The following UBASH3B variants were observed in gnomAD, a reference collection of about 807,000 sequenced individuals.
UBASH3B encodes the protein ubiquitin-associated and SH3 domain-containing protein B.
Under a neutral mutation model 83.4 loss-of-function variants are expected in UBASH3B, and 37 were observed. The observed-to-expected ratio is 0.44, with a 90% CI of 0.34 to 0.58. The LOEUF (loss-of-function observed/expected upper bound fraction) is 0.58, where lower values mean the gene tolerates loss of function less well. Among genes scored for constraint, UBASH3B ranks in the 20% least tolerant of loss-of-function variants. The probability of loss-of-function intolerance (pLI) is 0.01; values close to 1 mark genes in which losing one functional copy is unlikely to be tolerated. For synonymous variants in UBASH3B, 304 were observed against 318.3 expected (o/e 0.96, Z 0.48); for missense variants, 657 against 827.2 (o/e 0.79, Z 2.52).
chr11:122,686,325 C>T (rs192298035), intron 1 of UBASH3B, among the ~76,000 whole-genome samples: 2 of 152,310 alleles, frequency 1.3e-5, no homozygotes, highest in Admixed American at 1.3e-4. Context: ...AATATGTAAG[C>T]AGACTGGTCA....
At chr11:122,741,459 G>A (rs1255204285) in intron 1 of UBASH3B, among the ~76,000 whole-genome samples, 2 of 152,162 alleles carry the variant, frequency 1.3e-5, no homozygotes, top group South Asian at 4.1e-4. Context: ...GAGCAAAACC[G>A]GAGGTTGTGT....
rs1488749559 is a variant in UBASH3B, at chr11:122,789,309, G to T, written c.980+1G>T. Reference sequence around the variant, plus strand: ...AATGCAGCACCTGGATATTTCATGGGTAAGCAGACACAAAGACCTTTATGC... The same window carrying T: ...AATGCAGCACCTGGATATTTCATGGTTAAGCAGACACAAAGACCTTTATGC... On this transcript the variant is annotated splice_donor_variant, in intron 6 of 13. Coordinates refer to ENST00000284273, the MANE Select transcript of UBASH3B (RefSeq NM_032873.5). LOFTEE classifies it high-confidence loss of function. The T allele has an allele frequency of 6.2e-7, 1 of 1,614,144 alleles. No individual in the cohort carries two copies. Among genetic ancestry groups the T allele is most frequent in the Admixed American group, 1.7e-5 (1 of 60,026 alleles).
intron 1 of UBASH3B, among the ~76,000 whole-genome samples, chr11:122,702,422 G>A (rs1864052287): frequency 1.3e-5 from 2 of 151,980 alleles, no homozygotes; most frequent in South Asian, 2.1e-4. Context: ...TGCCTTCATC[G>A]TTCAAGGTCA....
intron 1 of UBASH3B, among the ~76,000 whole-genome samples, chr11:122,670,937 A>C (rs1019910650): frequency 1.3e-5 from 2 of 151,816 alleles, no homozygotes; most frequent in African/African-American, 2.4e-5. Context: ...TAATTTTTGT[A>C]TTTTTAGTAG....
At chr11:122,659,994 A>G (rs1863415364) in intron 1 of UBASH3B, among the ~76,000 whole-genome samples, 1 of 152,184 alleles carries the variant, frequency 6.6e-6, no homozygotes, top group Non-Finnish European at 1.5e-5. Flanking sequence ...GTGGTCTTGC[A>G]AAAGTCACTT....
At chr11:122,714,359 G>A (rs948898485) in intron 1 of UBASH3B, among the ~76,000 whole-genome samples, 6 of 152,150 alleles carry the variant, frequency 3.9e-5, no homozygotes, top group Admixed American at 1.3e-4. Context: ...TCTCTAAATC[G>A]GCCTTCCTGA....
At chr11:122,686,243 G>A (rs1281502582) in intron 1 of UBASH3B, among the ~76,000 whole-genome samples, 3 of 152,258 alleles carry the variant, frequency 2.0e-5, no homozygotes, top group African/African-American at 4.8e-5. Flanking sequence ...TCTAAGTGGA[G>A]CTGAGAGAAG....
rs188133746 is a variant in UBASH3B, at chr11:122,771,317, C to T, written c.162-4902C>T. Reference sequence around the variant, plus strand: ...GCACGACCTCGGCTCACTGCATCCTCCGCCTCCCAGGTTCAAGTGATTCTC... The same window carrying T: ...GCACGACCTCGGCTCACTGCATCCTTCGCCTCCCAGGTTCAAGTGATTCTC... On this transcript the variant is annotated intron_variant, in intron 1 of 13. Transcript: ENST00000284273. Among the ~76,000 whole-genome samples the T allele has an allele frequency of 5.2e-3, 793 of 152,162 alleles. 4 individuals are homozygous for T. The highest frequency in any genetic ancestry group is 8.2e-3 in the Non-Finnish European group (555 of 68,014).
At chr11:122,716,629 G>A (rs1175757875) in intron 1 of UBASH3B, among the ~76,000 whole-genome samples, 1 of 152,166 alleles carries the variant, frequency 6.6e-6, no homozygotes, top group Non-Finnish European at 1.5e-5. Flanking sequence ...TTGCCTGTGG[G>A]AGACCTTGCT....
chr11:122,682,392 G>A (rs1254464008), intron 1 of UBASH3B, among the ~76,000 whole-genome samples: 1 of 152,124 alleles, frequency 6.6e-6, no homozygotes, highest in African/African-American at 2.4e-5. Flanking sequence ...AGATGGGGAC[G>A]CTGAGGCGTT....
intron 1 of UBASH3B, among the ~76,000 whole-genome samples, chr11:122,695,127 C>G (rs1198483286): frequency 6.6e-6 from 1 of 151,718 alleles, no homozygotes; most frequent in Non-Finnish European, 1.5e-5. Flanking sequence ...CCATGCCCGG[C>G]TAATTTTTGC....
At chr11:122,706,106 C>CTTTTTTTTTTTTTTT (rs36055058) in intron 1 of UBASH3B, among the ~76,000 whole-genome samples, 3 of 127,032 alleles carry the variant, frequency 2.4e-5, no homozygotes, top group African/African-American at 6.1e-5. Flanking sequence ...TCTTTTCTTT[C>CTTTTTTTTTTTTTTT]TTTTTTTTTT....
intron 1 of UBASH3B, among the ~76,000 whole-genome samples, chr11:122,682,257 G>A (rs969217428): frequency 4.6e-5 from 7 of 152,090 alleles, no homozygotes; most frequent in African/African-American, 7.2e-5. Context: ...ATGGTACAAC[G>A]GAGCCACCAA....
At chr11:122,713,892 C>T (rs186087132) in intron 1 of UBASH3B, among the ~76,000 whole-genome samples, 1 of 152,300 alleles carries the variant, frequency 6.6e-6, no homozygotes, top group East Asian at 1.9e-4. Flanking sequence ...CCAGTGCAGC[C>T]TTCCATCAGA....
chr11:122,689,089 C>A (rs1027943588), intron 1 of UBASH3B, among the ~76,000 whole-genome samples: 1 of 152,080 alleles, frequency 6.6e-6, no homozygotes, highest in South Asian at 2.1e-4. Context: ...TGTGAGCCAC[C>A]GCGCCTGGCC....
chr11:122,676,229 C>G (rs965783752), intron 1 of UBASH3B, among the ~76,000 whole-genome samples: 7 of 151,810 alleles, frequency 4.6e-5, no homozygotes, highest in African/African-American at 1.7e-4. Context: ...AAGGAGAAAC[C>G]CCGTCTTTAC....
At chr11:122,798,791 C>CT (rs1861198764) in intron 9 of UBASH3B, 151 bp from the exon 10 acceptor site, 2 of 536,218 alleles carry the variant, frequency 3.7e-6, no homozygotes, top group South Asian at 2.6e-5. Flanking sequence ...TTGTTAGAAA[C>CT]TAACAAAGGC....
chr11:122,767,763 T>C (rs74909774), intron 1 of UBASH3B, among the ~76,000 whole-genome samples: 3,988 of 152,192 alleles, frequency 0.026, 76 homozygotes, highest in Non-Finnish European at 0.04. Context: ...TCAGGTCTCA[T>C]TGGGCAGCAT....
At chr11:122,706,071 C>T (rs969633214) in intron 1 of UBASH3B, among the ~76,000 whole-genome samples, 4 of 150,592 alleles carry the variant, frequency 2.7e-5, no homozygotes, top group Non-Finnish European at 5.9e-5. Flanking sequence ...CAAAAAATTC[C>T]TTCTTTATTT....
Sources: gnomAD v4.1 joint callset for allele counts (sites outside exome capture counted in the v4.1 genomes callset) on GRCh38, gnomAD v4.1.1 for gene constraint, MANE v1.5 for transcripts, NCBI Gene and HGNC (gene_info 2026-07-23, HGNC 2026-07-21) for gene names.